The following ESAM variants were observed in gnomAD, a reference collection of about 807,000 sequenced individuals.
ESAM encodes the protein endothelial cell-selective adhesion molecule.
In ESAM, 23 loss-of-function variants were observed where a neutral mutation model predicts 31.8. The observed-to-expected ratio is 0.72, with a 90% CI of 0.52 to 1.03. ESAM has a LOEUF of 1.03. Among genes scored for constraint, ESAM ranks in the 50% least tolerant of loss-of-function variants. The probability of loss-of-function intolerance (pLI) is 0.00; values close to 1 mark genes in which losing one functional copy is unlikely to be tolerated. For synonymous variants in ESAM, 216 were observed against 207.2 expected, an observed-to-expected ratio of 1.04 and a Z score of -0.37; for missense variants, 478 against 488.9, an observed-to-expected ratio of 0.98 and a Z score of 0.21.
At position 124,753,819 on chromosome 11, in the gene ESAM, T is replaced by C. The variant is rs780402684; in HGVS notation, c.1000A>G (p.Thr334Ala). The C allele has an allele frequency of 1.5e-5, 24 of 1,612,918 alleles. No individual in the cohort carries two copies. The highest frequency in any genetic ancestry group is 2.0e-5 in the Non-Finnish European group (24 of 1,179,578). The change falls in exon 7 of 7, where the codon ACG (threonine) becomes GCG (alanine). Residue 334 changes from threonine (T) to alanine (A), a missense_variant. Transcript: ENST00000278927. The stretch of plus-strand genomic sequence containing the variant: ...AGGGCCTGGCTGGAGAGACTGGGCG[T>C]GGGGGTCAATGCACCAGGCCTGGGA... ...GPPRPGALTP[T>A]PSLSSQALPS...
At chr11:124,756,821 C>A in intron 2 of ESAM, 79 bp from the exon 3 acceptor site, 2 of 1,466,342 alleles carry the variant, frequency 1.4e-6, no homozygotes, top group Non-Finnish European at 1.9e-6. Flanking sequence ...CTCCCTCCCC[C>A]AGCTCGCATT....
intron 1 of ESAM, 52 bp from the exon 2 acceptor site, chr11:124,758,579 C>T (rs1176344434): frequency 1.4e-6 from 2 of 1,452,640 alleles, no homozygotes; most frequent in South Asian, 1.4e-5. Flanking sequence ...CAGCTCCGCC[C>T]GCGGACCCTG....
Position 124,759,267 on chromosome 11 carries a change from AGAC to A in ESAM, c.71-743_71-741del, listed in dbSNP as rs1944197409. On this transcript the variant is annotated intron_variant, in intron 1 of 6. Coordinates refer to ENST00000278927, the MANE Select transcript of ESAM (RefSeq NM_138961.3). The surrounding 1 kb of genome is among the most constrained non-coding windows in gnomAD (Gnocchi z 6.8). ...AAGGGCAGCGCGAACGACGGTCTCT[AGAC>A]AAGTATGAAGCCTCCCCTGAGTGTG... 6.6e-6 allele frequency: 1 copy of A among 152,300 alleles called. No individual in the cohort carries two copies. The highest frequency in any genetic ancestry group is 1.5e-5 in the Non-Finnish European group (1 of 68,110). The allele number at this position is 152,300 out of a possible 1,614,324, so 9.4% of individuals were successfully genotyped here.
Position 124,753,851 on chromosome 11 carries a change from T to TG in ESAM, c.967dup (p.His323ProfsTer77). On this transcript the variant is annotated frameshift_variant, in exon 7 of 7. Coordinates refer to ENST00000278927, the MANE Select transcript of ESAM (RefSeq NM_138961.3). LOFTEE classifies it low-confidence loss of function (END_TRUNC). ...CAATGCACCAGGCCTGGGAGGGCCA[T>TG]GGGGTGGCCGGAGGGCTCGTGCGGA... The TG allele has an allele frequency of 6.2e-7, 1 of 1,613,620 alleles. No homozygotes were observed. Among genetic ancestry groups the TG allele is most frequent in the Non-Finnish European group, 8.5e-7 (1 of 1,179,812 alleles).
Position 124,754,004 on chromosome 11 carries a change from G to A in ESAM, c.858-43C>T, listed in dbSNP as rs1329611388. On this transcript the variant is annotated intron_variant, in intron 6 of 6. Coordinates refer to ENST00000278927, the MANE Select transcript of ESAM (RefSeq NM_138961.3). The surrounding 1 kb of genome is among the most constrained non-coding windows in gnomAD (Gnocchi z 4.5). ...AACAAGAGGTCAGAAGTGGGTGGGG[G>A]AAGGAGGAGAGAGTTTCTACCTGCT... is the stretch of plus-strand genomic sequence containing the variant. 1 of 1,601,068 alleles carries A rather than the reference G, an allele frequency of 6.2e-7. No individual in the cohort carries two copies. The highest frequency in any genetic ancestry group is 1.7e-5 in the Admixed American group (1 of 58,200).
At chr11:124,760,419 A>G (rs1034038100) in intron 1 of ESAM, among the ~76,000 whole-genome samples, 4 of 152,238 alleles carry the variant, frequency 2.6e-5, no homozygotes. Flanking sequence ...AGGAGAGCGA[A>G]ATGGGCCCGC....
intron 1 of ESAM, among the ~76,000 whole-genome samples, chr11:124,761,023 C>T (rs557173834): frequency 1.2e-4 from 18 of 152,224 alleles, no homozygotes; most frequent in African/African-American, 3.6e-4. Context: ...TTGCATGCCC[C>T]GACACCTGTG....
rs1944116458 is a variant in ESAM at position 124,753,567 on chromosome 11, G to A, written c.*79C>T. The A allele has an allele frequency of 2.7e-6, 4 of 1,508,614 alleles. No homozygotes were observed. The highest frequency in any genetic ancestry group is 1.7e-4 in the Middle Eastern group (1 of 5,848). 93.5% of individuals were successfully genotyped at this position (1,508,614 alleles called of 1,614,324 possible). On this transcript the variant is annotated 3_prime_UTR_variant, in exon 7 of 7. Coordinates refer to ENST00000278927, the MANE Select transcript of ESAM (RefSeq NM_138961.3). ...GGTCAGGAGTGTGACTCTTTCCCAT[G>A]ACTCAGGCCTCTGTGCTAGAGGTGA... is the stretch of plus-strand genomic sequence containing the variant.
chr11:124,756,374 G>A lies in ESAM; in HGVS notation c.452-12C>T, dbSNP rs747543095. The A allele has an allele frequency of 4.4e-6, 7 of 1,592,570 alleles. No homozygotes were observed. In the Admixed American group the frequency reaches 1.2e-4, roughly 28 times the overall value. On this transcript the variant is annotated splice_polypyrimidine_tract_variant and intron_variant, in intron 3 of 6. Coordinates refer to ENST00000278927, the MANE Select transcript of ESAM (RefSeq NM_138961.3). Reference sequence around the variant, plus strand: ...AGGAGCTGGAGGAACTGGGCAGGGGGAGACAGATTAAAACCACACCCAGGA... The same window carrying A: ...AGGAGCTGGAGGAACTGGGCAGGGGAAGACAGATTAAAACCACACCCAGGA...
chr11:124,760,397 G>C (rs1944213404), intron 1 of ESAM, among the ~76,000 whole-genome samples: 1 of 152,236 alleles, frequency 6.6e-6, no homozygotes, highest in Non-Finnish European at 1.5e-5. Context: ...TGAGGGAGCC[G>C]GCAGGGGCCG....
chr11:124,761,988 G>T, intron 1 of ESAM, 97 bp downstream of exon 1: 1 of 1,094,848 alleles, frequency 9.1e-7, no homozygotes, highest in Non-Finnish European at 1.4e-6. Context: ...GGCGAGTCGT[G>T]GGACCCAGTT....
At position 124,753,854 on chromosome 11, in the gene ESAM, G is replaced by T. The variant is rs770493141; in HGVS notation, c.965C>A (p.Pro322His). Residue 322 changes from proline to histidine, a missense_variant, in exon 7 of 7, where the codon CCC (proline) becomes CAC (histidine). Physicochemically the swap from Pro to His is moderately conservative, Grantham distance 77. Transcript: ENST00000278927. ...TGCACCAGGCCTGGGAGGGCCATGG[G>T]GTGGCCGGAGGGCTCGTGCGGAGGT... Reference protein sequence around the residue: ...SVTSARALRPPHGPPRPGALT... With the variant: ...SVTSARALRPHHGPPRPGALT... The T allele has an allele frequency of 6.2e-7, 1 of 1,613,864 alleles. No individual in the cohort carries two copies. The highest frequency in any genetic ancestry group is 1.6e-4 in the Middle Eastern group (1 of 6,062).
At position 124,759,875 on chromosome 11, in the gene ESAM, C is replaced by G. The variant is rs1215681337; in HGVS notation, c.71-1348G>C. Among the ~76,000 whole-genome samples the G allele has an allele frequency of 1.3e-5, 2 of 152,240 alleles. No individual in the cohort carries two copies. The highest frequency in any genetic ancestry group is 2.9e-5 in the Non-Finnish European group (2 of 68,044). On this transcript the variant is annotated intron_variant, in intron 1 of 6. Transcript: ENST00000278927. The surrounding 1 kb of genome is among the most constrained non-coding windows in gnomAD (Gnocchi z 6.8). ...AATCCCCGCCTCAAGGAGCTGGACG[C>G]CCCCTGGGGACCCGGCCCGCTGGCC...
At chr11:124,755,834 T>TA (rs1258137366) in intron 4 of ESAM, among the ~76,000 whole-genome samples, 2 of 152,214 alleles carry the variant, frequency 1.3e-5, no homozygotes, top group Non-Finnish European at 2.9e-5. Context: ...CAGTTATCCC[T>TA]AAAATTTTTT....
chr11:124,757,158 G>C (rs1046235218), intron 2 of ESAM: 2 of 200,208 alleles, frequency 1.0e-5, no homozygotes, highest in African/African-American at 4.7e-5. Flanking sequence ...AAATGAGGCT[G>C]GGCACGTTGC....
rs1403384805 is a variant in ESAM at position 124,753,972 on chromosome 11, A to G, written c.858-11T>C. 2 of 1,611,898 alleles carry G rather than the reference A, an allele frequency of 1.2e-6. No homozygotes were observed. The highest frequency in any genetic ancestry group is 3.3e-5 in the Admixed American group (2 of 59,748). On this transcript the variant is annotated splice_polypyrimidine_tract_variant and intron_variant, in intron 6 of 6. Transcript: ENST00000278927. ...GCAATGGCATCCTCCCTAGTCATCA[A>G]AGAAATAACAAGAGGTCAGAAGTGG... is the stretch of plus-strand genomic sequence containing the variant.
chr11:124,759,638 G>T lies in ESAM; in HGVS notation c.71-1111C>A, dbSNP rs7110454. Among the ~76,000 whole-genome samples, 5,035 of 152,346 alleles carry T rather than the reference G, an allele frequency of 0.033. 285 individuals are homozygous for T. Among genetic ancestry groups the T allele is most frequent in the African/African-American group, 0.11 (4,702 of 41,574 alleles). ...AGAGCCAGGCTGAAGGCCTCTAAGG[G>T]CTGGGAGCCGATCCGGCCAGGATGC... On this transcript the variant is annotated intron_variant, in intron 1 of 6. Transcript: ENST00000278927. The surrounding 1 kb of genome is among the most constrained non-coding windows in gnomAD (Gnocchi z 6.8).
In ESAM at chr11:124,756,252, C is replaced by A. The variant is rs771286783; in HGVS notation, c.562G>T (p.Asp188Tyr). The change falls in exon 4 of 7, where the codon GAT becomes TAT. Residue 188 changes from aspartate to tyrosine, a missense_variant. Transcript: ENST00000278927. Reference sequence around the variant, plus strand: ...GTCTGGAAGGATGGAAGCTGCCGATCCCACTGGTATTGGACAGCGGGCTTA... The same window carrying A: ...GTCTGGAAGGATGGAAGCTGCCGATACCACTGGTATTGGACAGCGGGCTTA... Reference protein sequence around the residue: ...RSKPAVQYQWDRQLPSFQTFF... With the variant: ...RSKPAVQYQWYRQLPSFQTFF... The A allele has an allele frequency of 1.2e-6, 2 of 1,614,196 alleles. No individual in the cohort carries two copies. The highest frequency in any genetic ancestry group is 2.2e-5 in the South Asian group (2 of 91,078).
chr11:124,756,770 C>A, intron 2 of ESAM, 28 bp from the exon 3 acceptor site: 1 of 1,607,664 alleles, frequency 6.2e-7, no homozygotes, highest in South Asian at 1.1e-5. Flanking sequence ...ACATCCCCGT[C>A]ATTACTACAT....
Sources: allele counts gnomAD v4.1 joint callset (sites outside exome capture counted in the v4.1 genomes callset), GRCh38; gene constraint gnomAD v4.1.1; non-coding constraint Gnocchi (gnomAD v3.1); transcripts MANE v1.5; gene names NCBI Gene and HGNC (gene_info 2026-07-23, HGNC 2026-07-21).